Variants in ANKRD30A observed in about 807,000 individuals in gnomAD.
The protein encoded by ANKRD30A is ankyrin repeat domain-containing protein 30A.
Under a neutral mutation model 166.3 loss-of-function variants are expected in ANKRD30A, and 170 were observed. The observed-to-expected ratio is 1.02, with a 90% CI of 0.90 to 1.16. The LOEUF (loss-of-function observed/expected upper bound fraction) is 1.16. Ranked by LOEUF, ANKRD30A falls within the 50% of genes most tolerant of loss-of-function variation. The pLI, the probability that ANKRD30A is intolerant of heterozygous loss-of-function variation, is 0.00. For missense variants in ANKRD30A, 1,630 were observed against 1,518.0 expected (o/e 1.07, Z -1.23); for synonymous variants, 564 against 508.9 (o/e 1.11, Z -1.46).
At chr10:37,197,027 C>T (rs1240873192) in intron 27 of ANKRD30A, among the ~76,000 whole-genome samples, 2 of 152,114 alleles carry the variant, frequency 1.3e-5, no homozygotes, top group Non-Finnish European at 1.5e-5. Context: ...TCATATCAAC[C>T]CTGTTTACAC....
chr10:37,154,857 A>G (rs1248868194), intron 13 of ANKRD30A, among the ~76,000 whole-genome samples: 1 of 152,182 alleles, frequency 6.6e-6, no homozygotes, highest in African/African-American at 2.4e-5. Flanking sequence ...GATTACTAGA[A>G]TTGGACTAAA....
At chr10:37,142,570 CTTTTTTTTTTT>C (rs869026268) in intron 7 of ANKRD30A, among the ~76,000 whole-genome samples, 49 of 78,966 alleles carry the variant, frequency 6.2e-4, no homozygotes, top group East Asian at 5.8e-3. Flanking sequence ...TAGGATCACA[CTTTTTTTTTTT>C]TTTTTTTTTT....
rs1169170736 is a variant in ANKRD30A at position 37,201,232 on chromosome 10, CAG to C, written c.2779_2780del. On this transcript the variant is annotated splice_acceptor_variant, in intron 30 of 35. Coordinates refer to ENST00000361713, the MANE Select transcript of ANKRD30A (RefSeq NM_052997.3). LOFTEE classifies it high-confidence loss of function. ...AATTATTTATTGATATTACTTTTAA[CAG>C]AGTCTCCGTGAGACTGTTTCACAGA... 13 of 1,537,062 alleles carry C rather than the reference CAG, an allele frequency of 8.5e-6. No homozygotes were observed. Among genetic ancestry groups the C allele is most frequent in the Non-Finnish European group, 1.1e-5 (13 of 1,144,144 alleles).
rs1318650455 is a variant in ANKRD30A at position 37,213,551 on chromosome 10, T to C, written c.2870-2630T>C. ...TTCCACTGAGTTTACTTTTTTCTTC[T>C]TCTTCTTTTTTTTTTTTTTTTTGGT... On this transcript the variant is annotated intron_variant, in intron 31 of 35. Transcript: ENST00000361713. 1.6e-5 allele frequency among the ~76,000 whole-genome samples: 2 copies of C among 126,222 alleles called. 1 individual carries two copies. Among genetic ancestry groups the C allele is most frequent in the Admixed American group, 1.7e-4 (2 of 11,838 alleles). 82.8% of individuals were successfully genotyped at this position (126,222 alleles called of 152,430 possible).
chr10:37,149,959 A>T, intron 11 of ANKRD30A, 110 bp downstream of exon 11: 1 of 1,442,858 alleles, frequency 6.9e-7, no homozygotes, highest in Middle Eastern at 2.5e-4. Context: ...AAAACATTTG[A>T]TCTAGATAAT....
intron 34 of ANKRD30A, among the ~76,000 whole-genome samples, chr10:37,227,482 T>C (rs74634548): frequency 2.0e-5 from 3 of 152,142 alleles, no homozygotes; most frequent in Admixed American, 6.6e-5. Context: ...TTCTAAAACA[T>C]TGATCTCTCT....
chr10:37,158,676 C>A, intron 15 of ANKRD30A, 90 bp downstream of exon 15: 1 of 1,538,346 alleles, frequency 6.5e-7, no homozygotes. Flanking sequence ...ATGTTGTTTT[C>A]TATTCAAAAT....
chr10:37,135,740 T>G (rs1330362182), intron 5 of ANKRD30A, among the ~76,000 whole-genome samples: 2 of 152,186 alleles, frequency 1.3e-5, no homozygotes, highest in African/African-American at 4.8e-5. Flanking sequence ...TTTCTGCCCT[T>G]GGTGTGATTG....
intron 29 of ANKRD30A, among the ~76,000 whole-genome samples, chr10:37,198,794 C>T (rs1478632665): frequency 2.0e-5 from 3 of 152,078 alleles, no homozygotes; most frequent in Admixed American, 6.6e-5. Context: ...AAATGATATA[C>T]GTACCCTTAA....
chr10:37,196,093 ATTTTT>A (rs749036981), intron 27 of ANKRD30A, among the ~76,000 whole-genome samples: 33 of 129,448 alleles, frequency 2.5e-4, no homozygotes, highest in African/African-American at 8.7e-4. Flanking sequence ...TATATTTTCT[ATTTTT>A]TTTTTTTTTT....
intron 27 of ANKRD30A, 67 bp downstream of exon 27, chr10:37,193,325 CTT>C (rs1840759557): frequency 1.3e-6 from 2 of 1,499,698 alleles, no homozygotes; most frequent in Non-Finnish European, 1.8e-6. Context: ...TGCTGTGAGA[CTT>C]TTCATTCCCA....
In ANKRD30A at chr10:37,141,716, A is replaced by AT. The variant is rs1388026668; in HGVS notation, c.821-2_821-1insT. 6.2e-7 allele frequency: 1 copy of AT among 1,611,816 alleles called. No individual in the cohort carries two copies. The highest frequency in any genetic ancestry group is 1.1e-5 in the South Asian group (1 of 90,960). On this transcript the variant is annotated splice_acceptor_variant, in intron 6 of 35. Coordinates refer to ENST00000361713, the MANE Select transcript of ANKRD30A (RefSeq NM_052997.3). LOFTEE classifies it high-confidence loss of function. ...AATTTAACCAGATTGTGTGTTTGGC[A>AT]GAAGGAACATCTGCAGGAACACCTG...
chr10:37,179,041 T>C (rs1466319710), intron 24 of ANKRD30A, among the ~76,000 whole-genome samples: 5 of 97,274 alleles, frequency 5.1e-5, no homozygotes, highest in African/African-American at 1.5e-4. Flanking sequence ...TATATATATA[T>C]ATATATATAT....
the ANKRD30A span, among the ~76,000 whole-genome samples, chr10:37,254,766 C>T: frequency 4.1e-4 from 61 of 150,142 alleles, no homozygotes; most frequent in African/African-American, 1.2e-3. Flanking sequence ...TCACTGCAAG[C>T]TCCGCCTCCC....
intron 31 of ANKRD30A, among the ~76,000 whole-genome samples, chr10:37,203,041 A>T (rs537199887): frequency 6.6e-6 from 1 of 152,132 alleles, no homozygotes; most frequent in African/African-American, 2.4e-5. Context: ...TTCCCAGCCA[A>T]ATTCTACCAG....
In ANKRD30A at chr10:37,219,666, TCTAGATCA is replaced by T; in HGVS notation, c.3955_3962del (p.Leu1319GlufsTer21). The T allele has an allele frequency of 2.5e-6, 4 of 1,609,710 alleles. No homozygotes were observed. Among genetic ancestry groups the T allele is most frequent in the Non-Finnish European group, 3.4e-6 (4 of 1,177,360 alleles). On this transcript the variant is annotated frameshift_variant, in exon 34 of 36. Transcript: ENST00000361713. LOFTEE classifies it high-confidence loss of function. Reference sequence around the variant, plus strand: ...ACAAACACACTGAACAGCAGGAGTCTCTAGATCAGAAATTATTTCAACTACAAAGCAAA... The same window carrying T: ...ACAAACACACTGAACAGCAGGAGTCTGAAATTATTTCAACTACAAAGCAAA...
At chr10:37,135,891 A>C (rs1836654409) in intron 5 of ANKRD30A, among the ~76,000 whole-genome samples, 1 of 152,250 alleles carries the variant, frequency 6.6e-6, no homozygotes, top group Non-Finnish European at 1.5e-5. Flanking sequence ...AATAACCAAA[A>C]GTAGGAATTA....
chr10:37,150,750 T>G (rs1344756915), intron 11 of ANKRD30A, among the ~76,000 whole-genome samples: 2 of 152,168 alleles, frequency 1.3e-5, no homozygotes, highest in Non-Finnish European at 2.9e-5. Context: ...TTGCACAATT[T>G]TTATGCTGAT....
intron 21 of ANKRD30A, among the ~76,000 whole-genome samples, chr10:37,172,536 T>A (rs1360236868): frequency 6.8e-6 from 1 of 146,042 alleles, no homozygotes; most frequent in Admixed American, 6.8e-5. Context: ...AGGTTTTTTT[T>A]TAATTTCTTT....
Sources: allele counts gnomAD v4.1 joint callset (sites outside exome capture counted in the v4.1 genomes callset), GRCh38; gene constraint gnomAD v4.1.1; transcripts MANE v1.5; gene names NCBI Gene and HGNC (gene_info 2026-07-23, HGNC 2026-07-21).